MED13: variants seen among roughly 807,000 people sequenced by gnomAD.
MED13 encodes the protein mediator of RNA polymerase II transcription subunit 13.
Under a neutral mutation model 225.2 loss-of-function variants are expected in MED13, and 23 were observed. That is an observed-to-expected ratio of 0.10 (90% confidence interval 0.07 to 0.14). The LOEUF (loss-of-function observed/expected upper bound fraction) is 0.14, where lower values mean the gene tolerates loss of function less well. MED13 is among the 10% of genes least tolerant of loss of function. The pLI is 1.00. For synonymous variants in MED13, 942 were observed against 889.2 expected, an observed-to-expected ratio of 1.06 and a Z score of -1.06; for missense variants, 2,197 against 2,594.5, an observed-to-expected ratio of 0.85 and a Z score of 3.33.
chr17:62,001,411 T>G (rs1325012497), intron 9 of MED13, among the ~76,000 whole-genome samples: 1 of 152,222 alleles, frequency 6.6e-6, no homozygotes, highest in African/African-American at 2.4e-5. Flanking sequence ...CACAGACATA[T>G]CTTTTCATTT....
At chr17:62,048,023 TACATATACATATACATATAC>T (rs2080913963) in intron 3 of MED13, among the ~76,000 whole-genome samples, 1 of 112,894 alleles carries the variant, frequency 8.9e-6, no homozygotes, top group East Asian at 3.3e-4. Context: ...TATACATATA[TACATATACATATACATATAC>T]ATATATATAT....
chr17:62,037,757 C>A (rs960445745), intron 3 of MED13, among the ~76,000 whole-genome samples: 1 of 150,946 alleles, frequency 6.6e-6, no homozygotes, highest in Non-Finnish European at 1.5e-5. Flanking sequence ...CAATTTGAGA[C>A]CAGCCTGGCC....
At chr17:62,049,342 G>A (rs12936713) in intron 3 of MED13, among the ~76,000 whole-genome samples, 17,526 of 152,176 alleles carry the variant, frequency 0.12, 1,301 homozygotes, top group Middle Eastern at 0.29. Flanking sequence ...ACTACCAACA[G>A]GTACACAGAT....
rs376406238 is a variant in MED13, at chr17:61,961,010, T to C, written c.5337A>G (p.Thr1779=). Residue 1779 remains threonine (T), a synonymous_variant, in exon 23 of 30, where the codon ACA becomes ACG. Coordinates refer to ENST00000397786, the MANE Select transcript of MED13 (RefSeq NM_005121.3). ...TATATTTCTGTCCAGCTTCTCCAAA[T>C]GTTTCTCCTAGCTCTGTCTGTTTGT... ...VKDKQTELGE[T]FGEAGQKYNV... 3.1e-6 allele frequency: 5 copies of C among 1,614,026 alleles called. No individual in the cohort carries two copies. The highest frequency in any genetic ancestry group is 4.2e-6 in the Non-Finnish European group (5 of 1,179,986).
intron 29 of MED13, 58 bp downstream of exon 29, chr17:61,946,859 C>T: frequency 7.0e-7 from 1 of 1,437,486 alleles, no homozygotes; most frequent in Non-Finnish European, 9.8e-7. Flanking sequence ...ATATAAGAAT[C>T]AACATTATAT....
chr17:61,942,806 C>T lies in MED13; in HGVS notation c.*3662G>A, dbSNP rs904350758. The T allele has an allele frequency of 6.6e-6, 1 of 152,470 alleles. No homozygotes were observed. Among genetic ancestry groups the T allele is most frequent in the Non-Finnish European group, 1.5e-5 (1 of 67,968 alleles). The allele number at this position is 152,470 out of a possible 1,614,324, so 9.4% of individuals were successfully genotyped here. A position where few individuals can be genotyped will look rare whatever the true frequency, so the allele number is the denominator to read the frequency against. On this transcript the variant is annotated 3_prime_UTR_variant, in exon 30 of 30. Coordinates refer to ENST00000397786, the MANE Select transcript of MED13 (RefSeq NM_005121.3). ...AAAGCAATTGGACCATATTAAATGTCACTGCTAAACAACAACTTTAAAACG... is the reference window on the plus strand; with the variant it reads ...AAAGCAATTGGACCATATTAAATGTTACTGCTAAACAACAACTTTAAAACG...
rs1027457898 is a variant in MED13 at position 62,062,627 on chromosome 17, C to T, written c.301+440G>A. Among the ~76,000 whole-genome samples, 5 of 147,154 alleles carry T rather than the reference C, an allele frequency of 3.4e-5. No homozygotes were observed. The East Asian group carries it at 7.9e-4, about 23-fold the overall frequency. On this transcript the variant is annotated intron_variant, in intron 2 of 29. Coordinates refer to ENST00000397786, the MANE Select transcript of MED13 (RefSeq NM_005121.3). ...ACACACACACACACACACACACACA[C>T]GGATAGTTACATTTCCAGTACTTTT...
chr17:62,027,563 A>C (rs925188326), intron 8 of MED13, among the ~76,000 whole-genome samples: 1 of 152,202 alleles, frequency 6.6e-6, no homozygotes, highest in African/African-American at 2.4e-5. Flanking sequence ...ATCACAACAA[A>C]AGCAAAAACT....
chr17:62,042,962 C>T (rs2080866309), intron 3 of MED13, among the ~76,000 whole-genome samples: 1 of 151,718 alleles, frequency 6.6e-6, no homozygotes, highest in Non-Finnish European at 1.5e-5. Context: ...CCAGCCTGGT[C>T]AACATGGCCA....
chr17:61,950,572 C>A (rs543162350), intron 28 of MED13, among the ~76,000 whole-genome samples: 15 of 152,172 alleles, frequency 9.9e-5, no homozygotes, highest in African/African-American at 2.9e-4. Flanking sequence ...TCAGTAGAGA[C>A]GAGGTTTCGC....
intron 16 of MED13, among the ~76,000 whole-genome samples, chr17:61,979,319 T>C (rs1179501639): frequency 6.6e-6 from 1 of 152,160 alleles, no homozygotes; most frequent in African/African-American, 2.4e-5. Flanking sequence ...ATGGCCATTT[T>C]TTTCTTTTTG....
chr17:62,057,270 T>G lies in MED13; in HGVS notation c.302-4565A>C, dbSNP rs553809273. Among the ~76,000 whole-genome samples, 15 of 152,306 alleles carry G rather than the reference T, an allele frequency of 9.8e-5. No individual in the cohort carries two copies. In the South Asian group the frequency reaches 3.1e-3, roughly 32 times the overall value. ...ATCAGTGTTTCTCCTGAATAATCAT[T>G]AATAACCTATACATTCAACAAATAT... On this transcript the variant is annotated intron_variant, in intron 2 of 29. Transcript: ENST00000397786.
At chr17:61,950,638 C>T (rs1185431567) in intron 28 of MED13, among the ~76,000 whole-genome samples, 187 bp downstream of exon 28, 1 of 152,180 alleles carries the variant, frequency 6.6e-6, no homozygotes, top group Non-Finnish European at 1.5e-5. Context: ...CCTGCCTCGG[C>T]CTCTCAAAGT....
intron 3 of MED13, among the ~76,000 whole-genome samples, chr17:62,051,616 TAAAACTA>T (rs1230270332): frequency 6.6e-6 from 1 of 150,822 alleles, no homozygotes; most frequent in African/African-American, 2.4e-5. Context: ...CCAGTCTTAC[TAAAACTA>T]AAAAGTTTGA....
chr17:62,059,646 T>TA (rs566143702), intron 2 of MED13, among the ~76,000 whole-genome samples: 43 of 152,066 alleles, frequency 2.8e-4, no homozygotes, highest in Non-Finnish European at 5.7e-4. Context: ...AAGAAGGAAA[T>TA]AGAGTGCCAC....
At chr17:62,008,864 G>C (rs1224240399) in intron 9 of MED13, among the ~76,000 whole-genome samples, 1 of 151,906 alleles carries the variant, frequency 6.6e-6, no homozygotes, top group East Asian at 1.9e-4. Flanking sequence ...AAATAAGAAA[G>C]TATTAAACTC....
chr17:62,033,447 G>A (rs889591565), intron 5 of MED13, among the ~76,000 whole-genome samples: 2 of 152,126 alleles, frequency 1.3e-5, no homozygotes, highest in Non-Finnish European at 2.9e-5. Flanking sequence ...AACTAGCTTT[G>A]TCTAATGCAA....
At chr17:61,964,871 G>C in intron 20 of MED13, 135 bp downstream of exon 20, 1 of 781,028 alleles carries the variant, frequency 1.3e-6, no homozygotes, top group East Asian at 2.7e-5. Flanking sequence ...GGGAGGCAGA[G>C]GTTGCAGTGA....
rs2080756253 is a variant in MED13, at chr17:62,031,497, G to A, written c.956C>T (p.Ala319Val). The change falls in exon 6 of 30, where the codon GCT becomes GTT. Residue 319 changes from alanine (A) to valine (V), a missense_variant. Coordinates refer to ENST00000397786, the MANE Select transcript of MED13 (RefSeq NM_005121.3). ...TGGTGTAAGCGTAACCGAAGACATAGCAGGATCTCTTGTGGAAGCAGGCAC... is the reference window on the plus strand; with the variant it reads ...TGGTGTAAGCGTAACCGAAGACATAACAGGATCTCTTGTGGAAGCAGGCAC... Reference protein sequence around the residue: ...HQVPASTRDPAMSSVTLTPPT... With the variant: ...HQVPASTRDPVMSSVTLTPPT... 6.2e-7 allele frequency: 1 copy of A among 1,613,860 alleles called. No individual in the cohort carries two copies. The highest frequency in any genetic ancestry group is 8.5e-7 in the Non-Finnish European group (1 of 1,179,874).
Sources: gnomAD v4.1 joint callset for allele counts (sites outside exome capture counted in the v4.1 genomes callset) on GRCh38, gnomAD v4.1.1 for gene constraint, MANE v1.5 for transcripts, NCBI Gene and HGNC (gene_info 2026-07-23, HGNC 2026-07-21) for gene names.